The following ILDR1 variants were observed in gnomAD, a reference collection of about 807,000 sequenced individuals.
ILDR1 encodes the protein immunoglobulin-like domain-containing receptor 1.
A neutral mutation model predicts 62.4 loss-of-function variants in ILDR1; 56 were observed. That is an observed-to-expected ratio of 0.90 (90% confidence interval 0.72 to 1.12). The LOEUF (loss-of-function observed/expected upper bound fraction) is 1.12, where lower values mean the gene tolerates loss of function less well. Ranked by LOEUF, ILDR1 falls within the 50% of genes most tolerant of loss-of-function variation. The pLI, the probability that ILDR1 is intolerant of heterozygous loss-of-function variation, is 0.00. For synonymous variants in ILDR1, 284 were observed against 277.8 expected (o/e 1.02, Z -0.22); for missense variants, 736 against 710.6 (o/e 1.04, Z -0.41).
intron 1 of ILDR1, among the ~76,000 whole-genome samples, chr3:122,018,977 G>T (rs2071818707): frequency 6.6e-6 from 1 of 152,142 alleles, no homozygotes; most frequent in African/African-American, 2.4e-5. Context: ...CTTACTTAGG[G>T]GTCGGTTGTC....
At chr3:122,023,630 TC>T (rs112140017), upstream of ILDR1, among the ~76,000 whole-genome samples, 16 of 152,286 alleles carry the variant, frequency 1.1e-4, no homozygotes, top group African/African-American at 3.8e-4. Flanking sequence ...CAGTCTCTTC[TC>T]CCTGTCTTTC....
At chr3:122,023,017 A>G (rs577592641), upstream of ILDR1, among the ~76,000 whole-genome samples, 18 of 151,116 alleles carry the variant, frequency 1.2e-4, no homozygotes, top group African/African-American at 4.1e-4. Flanking sequence ...CTACAACTAT[A>G]AAAGTAAAAT....
the ILDR1 span, among the ~76,000 whole-genome samples, chr3:122,047,818 C>G: frequency 1.3e-4 from 20 of 152,252 alleles, no homozygotes; most frequent in Non-Finnish European, 1.5e-5. Flanking sequence ...CTGTCTGGCA[C>G]TCCCTAGTGA....
At chr3:122,012,675 AT>A (rs1369063001) in intron 1 of ILDR1, among the ~76,000 whole-genome samples, 3 of 152,234 alleles carry the variant, frequency 2.0e-5, no homozygotes, top group East Asian at 1.9e-4. Flanking sequence ...GCATAAAAAA[AT>A]GTCCCCCATT....
chr3:122,005,935 AC>A (rs1436045733), intron 2 of ILDR1, among the ~76,000 whole-genome samples: 1 of 138,616 alleles, frequency 7.2e-6, no homozygotes, highest in African/African-American at 2.7e-5. Context: ...AAACAAACAA[AC>A]AAAAAAAAAA....
At chr3:122,041,796 C>CTT in the ILDR1 span, among the ~76,000 whole-genome samples, 1 of 148,414 alleles carries the variant, frequency 6.7e-6, no homozygotes, top group African/African-American at 2.5e-5. Flanking sequence ...TTAGATTTAA[C>CTT]TTTTTTTTTT....
chr3:122,031,419 G>T, the ILDR1 span, among the ~76,000 whole-genome samples: 2 of 152,168 alleles, frequency 1.3e-5, no homozygotes, highest in Non-Finnish European at 2.9e-5. Flanking sequence ...ATAGACTGAT[G>T]CTTACCACCA....
intron 1 of ILDR1, among the ~76,000 whole-genome samples, chr3:122,011,383 G>C (rs1383040225): frequency 6.6e-6 from 1 of 152,044 alleles, no homozygotes; most frequent in Non-Finnish European, 1.5e-5. Context: ...TGATCACTCA[G>C]CTCCCCTTCC....
At chr3:121,991,067 G>C (rs941571695) in intron 7 of ILDR1, among the ~76,000 whole-genome samples, 3 of 152,148 alleles carry the variant, frequency 2.0e-5, no homozygotes, top group Non-Finnish European at 2.9e-5. Flanking sequence ...GGGTGTGCTG[G>C]CATATGCCTG....
chr3:122,031,746 C>G, the ILDR1 span, among the ~76,000 whole-genome samples: 2 of 152,224 alleles, frequency 1.3e-5, no homozygotes, highest in African/African-American at 4.8e-5. Context: ...GAATCTTGAT[C>G]TTGGACTTCA....
chr3:122,039,781 G>T, the ILDR1 span, among the ~76,000 whole-genome samples: 1 of 151,952 alleles, frequency 6.6e-6, no homozygotes, highest in African/African-American at 2.4e-5. Context: ...TGTGCTAAAA[G>T]AATTGATTGT....
chr3:121,993,991 G>C, intron 6 of ILDR1, 21 bp from the exon 7 acceptor site: 1 of 1,600,738 alleles, frequency 6.2e-7, no homozygotes, highest in South Asian at 1.1e-5. Context: ...ACAAGGACAG[G>C]ACAATAGAAC....
chr3:122,056,539 G>A, the ILDR1 span, among the ~76,000 whole-genome samples: 1 of 151,964 alleles, frequency 6.6e-6, no homozygotes, highest in African/African-American at 2.4e-5. Flanking sequence ...CCACCATGTT[G>A]GCCAGGATGG....
At chr3:122,030,115 A>G in the ILDR1 span, among the ~76,000 whole-genome samples, 1 of 151,862 alleles carries the variant, frequency 6.6e-6, no homozygotes, top group Non-Finnish European at 1.5e-5. Flanking sequence ...TGGTCTGCCA[A>G]AAGCCACTTA....
intron 1 of ILDR1, among the ~76,000 whole-genome samples, chr3:122,011,240 G>A (rs754774998): frequency 1.9e-4 from 29 of 152,106 alleles, no homozygotes; most frequent in Admixed American, 2.0e-4. Flanking sequence ...TAGAGGTAGC[G>A]CATTTGGGAG....
At chr3:122,010,413 A>T (rs1026985547) in intron 1 of ILDR1, among the ~76,000 whole-genome samples, 1 of 152,192 alleles carries the variant, frequency 6.6e-6, no homozygotes, top group Non-Finnish European at 1.5e-5. Context: ...AAATGAAAAA[A>T]AAATATATAT....
chr3:122,007,751 C>T (rs1049185142), intron 1 of ILDR1, among the ~76,000 whole-genome samples: 4 of 152,220 alleles, frequency 2.6e-5, no homozygotes, highest in Admixed American at 1.3e-4. Flanking sequence ...CACTGCTCCA[C>T]TCTCTTCCCT....
the ILDR1 span, among the ~76,000 whole-genome samples, chr3:122,034,019 C>T: frequency 3.9e-5 from 6 of 152,236 alleles, no homozygotes; most frequent in East Asian, 7.7e-4. Flanking sequence ...CCATAAAAAT[C>T]GCTAGGGTTT....
intron 1 of ILDR1, 102 bp from the exon 2 acceptor site, chr3:122,007,263 G>C (rs1456256124): frequency 6.4e-7 from 1 of 1,568,754 alleles, no homozygotes; most frequent in Non-Finnish European, 8.6e-7. Flanking sequence ...CATCCTGCCT[G>C]ACCTGGCTAG....
Sources: allele counts gnomAD v4.1 joint callset (sites outside exome capture counted in the v4.1 genomes callset), GRCh38; gene constraint gnomAD v4.1.1; transcripts MANE v1.5; gene names NCBI Gene and HGNC (gene_info 2026-07-23, HGNC 2026-07-21).